FAM171A1: variants seen among roughly 807,000 people sequenced by gnomAD.
FAM171A1 encodes the protein family with sequence similarity 171 member A1, also known as protein FAM171A1.
FAM171A1 carries 23 observed loss-of-function variants against 74.9 expected under a neutral mutation model. That is an observed-to-expected ratio of 0.31 (90% CI 0.22 to 0.44). FAM171A1 has a LOEUF of 0.44. Ranked by LOEUF, FAM171A1 falls within the 20% of genes least tolerant of loss-of-function variation. The pLI is 1.00. For missense variants in FAM171A1, 1,162 were observed against 1,159.2 expected, an observed-to-expected ratio of 1.00 and a Z score of -0.03; for synonymous variants, 527 against 505.7, an observed-to-expected ratio of 1.04 and a Z score of -0.57.
chr10:15,345,789 A>G (rs999357836), intron 1 of FAM171A1, among the ~76,000 whole-genome samples: 1 of 152,182 alleles, frequency 6.6e-6, no homozygotes, highest in Non-Finnish European at 1.5e-5. Flanking sequence ...AGGAGAGCAA[A>G]GGTGCAAAGA....
At chr10:15,221,134 G>T in intron 5 of FAM171A1, 74 bp from the exon 6 acceptor site, 1 of 1,288,214 alleles carries the variant, frequency 7.8e-7, no homozygotes, top group Non-Finnish European at 1.1e-6. Flanking sequence ...TATTGTAAAA[G>T]TCATCTTAAA....
chr10:15,368,244 C>T (rs1483532821), intron 1 of FAM171A1, among the ~76,000 whole-genome samples: 1 of 152,188 alleles, frequency 6.6e-6, no homozygotes, highest in Non-Finnish European at 1.5e-5. Context: ...GGAAGAGAGT[C>T]TGAAGCCAAG....
chr10:15,350,268 C>A lies in FAM171A1; in HGVS notation c.97+20688G>T, dbSNP rs945324631. Reference sequence around the variant, plus strand: ...ACTCCCTTGTCCCATCCAAAAGCTACAATCCACAGGGATGGCCATGTGGTC... The same window carrying A: ...ACTCCCTTGTCCCATCCAAAAGCTAAAATCCACAGGGATGGCCATGTGGTC... On this transcript the variant is annotated intron_variant, in intron 1 of 7. Coordinates refer to ENST00000378116, the MANE Select transcript of FAM171A1 (RefSeq NM_001010924.2). Among the ~76,000 whole-genome samples, 10 of 152,316 alleles carry A rather than the reference C, an allele frequency of 6.6e-5. No homozygotes were observed. The East Asian group carries it at 7.7e-4, about 12-fold the overall frequency.
At chr10:15,287,025 A>G (rs1835043539) in intron 1 of FAM171A1, among the ~76,000 whole-genome samples, 1 of 152,156 alleles carries the variant, frequency 6.6e-6, no homozygotes, top group African/African-American at 2.4e-5. Flanking sequence ...ATTACAGAAT[A>G]CATTTAGTCA....
At chr10:15,251,208 T>C (rs1031893847) in intron 4 of FAM171A1, among the ~76,000 whole-genome samples, 9 of 152,214 alleles carry the variant, frequency 5.9e-5, no homozygotes, top group Non-Finnish European at 8.8e-5. Context: ...AGCATATTAA[T>C]GGACAGCAAT....
chr10:15,278,751 T>C (rs771203324), intron 2 of FAM171A1, among the ~76,000 whole-genome samples: 57 of 151,654 alleles, frequency 3.8e-4, no homozygotes, highest in Non-Finnish European at 7.7e-4. Context: ...GGCTGGGAGG[T>C]GTGGGAAAGA....
intron 6 of FAM171A1, among the ~76,000 whole-genome samples, chr10:15,217,922 C>T (rs1833987150): frequency 1.3e-5 from 2 of 151,888 alleles, no homozygotes; most frequent in African/African-American, 4.8e-5. Context: ...TGAGCCACCG[C>T]ACCCGGCCCA....
intron 4 of FAM171A1, among the ~76,000 whole-genome samples, chr10:15,249,188 C>G (rs112420440): frequency 5.0e-4 from 76 of 151,886 alleles, no homozygotes; most frequent in African/African-American, 1.8e-3. Flanking sequence ...CCTCCACCTC[C>G]TGGGTTCAAG....
intron 1 of FAM171A1, among the ~76,000 whole-genome samples, chr10:15,305,740 G>A (rs1835286849): frequency 7.0e-6 from 1 of 143,810 alleles, no homozygotes; most frequent in Non-Finnish European, 1.5e-5. Flanking sequence ...AAAAATCACT[G>A]AAGATTTTTG....
intron 2 of FAM171A1, among the ~76,000 whole-genome samples, chr10:15,282,945 C>T (rs964951637): frequency 7.9e-5 from 12 of 152,180 alleles, no homozygotes; most frequent in African/African-American, 1.4e-4. Context: ...AAACCTCTAG[C>T]CCAGATCTCT....
intron 5 of FAM171A1, among the ~76,000 whole-genome samples, chr10:15,243,663 C>T (rs537557703): frequency 3.4e-4 from 51 of 152,186 alleles, no homozygotes; most frequent in African/African-American, 1.2e-3. Context: ...AAATAAACAG[C>T]AGGGATGGAG....
chr10:15,328,208 G>A (rs1194028275), intron 1 of FAM171A1, among the ~76,000 whole-genome samples: 6 of 151,968 alleles, frequency 3.9e-5, no homozygotes, highest in African/African-American at 1.2e-4. Flanking sequence ...GCAATGGTGC[G>A]ATCTCAGCTC....
chr10:15,252,854 G>C (rs1834527447), intron 4 of FAM171A1, among the ~76,000 whole-genome samples: 1 of 152,118 alleles, frequency 6.6e-6, no homozygotes, highest in Admixed American at 6.5e-5. Context: ...TTCTCAGACT[G>C]CATAATTTAT....
intron 3 of FAM171A1, among the ~76,000 whole-genome samples, chr10:15,261,711 G>C (rs1275297077): frequency 1.3e-5 from 2 of 152,178 alleles, no homozygotes; most frequent in Non-Finnish European, 2.9e-5. Context: ...CATCTATGAA[G>C]GGGCACAGAT....
At chr10:15,304,801 A>G (rs907580799) in intron 1 of FAM171A1, among the ~76,000 whole-genome samples, 1 of 152,126 alleles carries the variant, frequency 6.6e-6, no homozygotes, top group Non-Finnish European at 1.5e-5. Context: ...CACTGGCGCA[A>G]TCTTGGCTCA....
At chr10:15,371,384 C>T (rs1196052399), upstream of FAM171A1, among the ~76,000 whole-genome samples, 1 of 147,144 alleles carries the variant, frequency 6.8e-6, no homozygotes, top group East Asian at 2.0e-4. Context: ...CGAGGGCGCC[C>T]CCGCCCGGCG....
intron 3 of FAM171A1, among the ~76,000 whole-genome samples, chr10:15,267,701 G>C (rs753162382): frequency 6.6e-6 from 1 of 151,708 alleles, no homozygotes; most frequent in Non-Finnish European, 1.5e-5. Context: ...ACCCCACTCA[G>C]GTGCTGGGTC....
chr10:15,296,599 G>T (rs1398112027), intron 1 of FAM171A1, among the ~76,000 whole-genome samples: 2 of 152,130 alleles, frequency 1.3e-5, no homozygotes, highest in African/African-American at 4.8e-5. Flanking sequence ...AGACGAATAC[G>T]CTGGGCACTA....
chr10:15,331,495 G>A (rs960281243), intron 1 of FAM171A1, among the ~76,000 whole-genome samples: 3 of 152,080 alleles, frequency 2.0e-5, no homozygotes, highest in Non-Finnish European at 4.4e-5. Context: ...CACCAAAGGC[G>A]TGTTTCTGAG....
Sources: allele counts gnomAD v4.1 joint callset (sites outside exome capture counted in the v4.1 genomes callset), GRCh38; gene constraint gnomAD v4.1.1; transcripts MANE v1.5; gene names NCBI Gene and HGNC (gene_info 2026-07-23, HGNC 2026-07-21).